The following CAMSAP1 variants were observed in gnomAD, a reference collection of about 807,000 sequenced individuals.
The protein encoded by CAMSAP1 is calmodulin regulated spectrin associated protein 1.
A neutral mutation model predicts 143.5 loss-of-function variants in CAMSAP1; 58 were observed. The ratio of observed to expected loss-of-function variants is 0.40; its 90% CI spans 0.33 to 0.50. CAMSAP1 has a LOEUF of 0.50. CAMSAP1 is among the 20% of genes least tolerant of loss of function. The pLI is 0.45. For synonymous variants in CAMSAP1, 945 were observed against 859.3 expected, an observed-to-expected ratio of 1.10 and a Z score of -1.74; for missense variants, 1,969 against 2,115.7, an observed-to-expected ratio of 0.93 and a Z score of 1.36.
Position 135,822,567 on chromosome 9 carries a change from A to T in CAMSAP1, c.2094T>A (p.Asp698Glu). The change falls in exon 11 of 17, where the codon GAT becomes GAA. Residue 698 changes from aspartate to glutamate, a missense_variant. Transcript: ENST00000389532. This position sits in a 1 kb window ranked among gnomAD's most constrained non-coding sequence, Gnocchi z 6.1. ...FDPFPQGPST[D>E]GFFLHVGRAD... ...CCCTGCCTACATGAAGGAAGAAGCC[A>T]TCCGTGGATGGTCCCTGGGGGAACG... 1 of 1,613,418 alleles carries T rather than the reference A, an allele frequency of 6.2e-7. No homozygotes were observed. Among genetic ancestry groups the T allele is most frequent in the Non-Finnish European group, 8.5e-7 (1 of 1,179,840 alleles).
intron 3 of CAMSAP1, among the ~76,000 whole-genome samples, chr9:135,875,282 T>A (rs1239169590): frequency 6.6e-6 from 1 of 151,706 alleles, no homozygotes; most frequent in Non-Finnish European, 1.5e-5. Context: ...TGATCTCAGC[T>A]CACTGCAACC....
intron 3 of CAMSAP1, among the ~76,000 whole-genome samples, chr9:135,871,554 T>C (rs959331938): frequency 6.6e-6 from 1 of 152,152 alleles, no homozygotes; most frequent in Non-Finnish European, 1.5e-5. Context: ...GAAATCAACT[T>C]ACTGTTATTT....
intron 1 of CAMSAP1, among the ~76,000 whole-genome samples, chr9:135,889,028 G>A (rs1038002029): frequency 6.6e-6 from 1 of 152,214 alleles, no homozygotes; most frequent in Non-Finnish European, 1.5e-5. Context: ...CTCAGAGAGG[G>A]GAGAGGATCC....
rs1291293002 is a variant in CAMSAP1, at chr9:135,841,728, A to T, written c.1045+8409T>A. Among the ~76,000 whole-genome samples the T allele has an allele frequency of 2.0e-5, 3 of 152,252 alleles. No homozygotes were observed. The East Asian group carries it at 5.8e-4, about 29-fold the overall frequency. On this transcript the variant is annotated intron_variant, in intron 7 of 16. Coordinates refer to ENST00000389532, the MANE Select transcript of CAMSAP1 (RefSeq NM_015447.4). The stretch of plus-strand genomic sequence containing the variant: ...CAAACAGGGTTTGGAGTGGACCTCC[A>T]GCAAACTCCAGCAGACCTGCAGCAG...
Position 135,811,435 on chromosome 9 carries a change from G to C in CAMSAP1, c.4683C>G (p.Asp1561Glu). ...MIDKLYKYSSDRKQFNLIPAK... is the reference protein window; with the variant it reads ...MIDKLYKYSSERKQFNLIPAK... ...CTGGGATCAAGTTAAACTGTTTTCG[G>C]TCTGAGCTGTATTTATACAGTTTGT... The change falls in exon 17 of 17, where the codon GAC (aspartate) becomes GAG (glutamate). Residue 1561 changes from aspartate (D) to glutamate (E), a missense_variant. Around this residue, in one of 4 missense-constraint regions of CAMSAP1, gnomAD observed 143 missense variants for 200.6 expected, o/e 0.71. Coordinates refer to ENST00000389532, the MANE Select transcript of CAMSAP1 (RefSeq NM_015447.4). This position sits in a 1 kb window ranked among gnomAD's most constrained non-coding sequence, Gnocchi z 4.9. 6.2e-7 allele frequency: 1 copy of C among 1,612,712 alleles called. No individual in the cohort carries two copies. The highest frequency in any genetic ancestry group is 8.5e-7 in the Non-Finnish European group (1 of 1,179,288).
rs1458518972 is a variant in CAMSAP1 at position 135,824,352 on chromosome 9, T to C, written c.1316-318A>G. Among the ~76,000 whole-genome samples the C allele has an allele frequency of 2.0e-5, 3 of 152,216 alleles. No individual in the cohort carries two copies. Among genetic ancestry groups the C allele is most frequent in the Non-Finnish European group, 2.9e-5 (2 of 68,044 alleles). On this transcript the variant is annotated intron_variant, in intron 9 of 16. Coordinates refer to ENST00000389532, the MANE Select transcript of CAMSAP1 (RefSeq NM_015447.4). This position sits in a 1 kb window ranked among gnomAD's most constrained non-coding sequence, Gnocchi z 4.1. ...TTTTGACAACACAAGTTAAAATTTA[T>C]TTGGCTACAGTCTTAACTAAAATCA...
chr9:135,813,840 G>T (rs972504381), intron 16 of CAMSAP1, among the ~76,000 whole-genome samples: 11 of 152,340 alleles, frequency 7.2e-5, no homozygotes, highest in Middle Eastern at 3.4e-3. Context: ...AGCCCCCAAG[G>T]AGAGCTCAGG....
chr9:135,826,605 T>C lies in CAMSAP1; in HGVS notation c.1223+802A>G, dbSNP rs903828237. On this transcript the variant is annotated intron_variant, in intron 8 of 16. Coordinates refer to ENST00000389532, the MANE Select transcript of CAMSAP1 (RefSeq NM_015447.4). This position sits in a 1 kb window ranked among gnomAD's most constrained non-coding sequence, Gnocchi z 4.4. ...CAACTGAGTTCGTTCTATGCCATGC[T>C]GTCTCACTGAACCATTCACTTATGT... Among the ~76,000 whole-genome samples, 1 of 152,274 alleles carries C rather than the reference T, an allele frequency of 6.6e-6. No individual in the cohort carries two copies. The highest frequency in any genetic ancestry group is 1.5e-5 in the Non-Finnish European group (1 of 68,054).
In CAMSAP1 at chr9:135,824,918, T is replaced by A; in HGVS notation, c.1224-38A>T. On this transcript the variant is annotated intron_variant, in intron 8 of 16. Transcript: ENST00000389532. This position sits in a 1 kb window ranked among gnomAD's most constrained non-coding sequence, Gnocchi z 4.1. Reference sequence around the variant, plus strand: ...AGAATTACAGGGAAAATCATTCCTTTATCAAACTTCAAGGTCAACAGCAAA... The same window carrying A: ...AGAATTACAGGGAAAATCATTCCTTAATCAAACTTCAAGGTCAACAGCAAA... 2 of 1,505,160 alleles carry A rather than the reference T, an allele frequency of 1.3e-6. No homozygotes were observed. The highest frequency in any genetic ancestry group is 2.4e-5 in the South Asian group (2 of 82,464). The allele number at this position is 1,505,160 out of a possible 1,614,324, so 93.2% of individuals were successfully genotyped here. A position where few individuals can be genotyped will look rare whatever the true frequency, so the allele number is the denominator to read the frequency against.
chr9:135,859,099 G>T (rs2130924849), intron 5 of CAMSAP1, among the ~76,000 whole-genome samples: 1 of 152,328 alleles, frequency 6.6e-6, no homozygotes, highest in Non-Finnish European at 1.5e-5. Flanking sequence ...TCACAGGCAG[G>T]AAAAGAAGCT....
At chr9:135,833,133 G>A (rs1472309076) in intron 7 of CAMSAP1, among the ~76,000 whole-genome samples, 1 of 145,598 alleles carries the variant, frequency 6.9e-6, no homozygotes, top group Admixed American at 7.0e-5. Flanking sequence ...CCAGGCTGGA[G>A]TGCAGTGGCG....
chr9:135,896,516 A>G (rs1328279877), intron 1 of CAMSAP1, among the ~76,000 whole-genome samples: 2 of 152,234 alleles, frequency 1.3e-5, no homozygotes, highest in Admixed American at 6.5e-5. Context: ...ACAACCAACT[A>G]GCAGAATACA....
In CAMSAP1 at chr9:135,821,318, G is replaced by A; in HGVS notation, c.3343C>T (p.Gln1115Ter). 6.2e-7 allele frequency: 1 copy of A among 1,613,236 alleles called. No individual in the cohort carries two copies. The highest frequency in any genetic ancestry group is 1.7e-5 in the Admixed American group (1 of 60,038). Residue 1115 changes from glutamine (Q) to a stop codon, truncating the protein, a stop_gained, in exon 11 of 17, where the codon CAG becomes TAG. Coordinates refer to ENST00000389532, the MANE Select transcript of CAMSAP1 (RefSeq NM_015447.4). LOFTEE classifies it high-confidence loss of function. The surrounding 1 kb of genome is among the most constrained non-coding windows in gnomAD (Gnocchi z 4.6). Reference protein sequence around the residue: ...AELKVPKDRPQGSSRSKTPTP... With the variant: ...AELKVPKDRP ...GGGGTTTTACTTCGGGAGGAGCCCT[G>A]TGGCCTGTCTTTTGGGACCTTCAGC...
intron 3 of CAMSAP1, among the ~76,000 whole-genome samples, chr9:135,870,090 C>T (rs1278678280): frequency 6.6e-6 from 1 of 152,144 alleles, no homozygotes; most frequent in Non-Finnish European, 1.5e-5. Flanking sequence ...CTGGAATTAG[C>T]CAGTGATGAT....
At chr9:135,881,421 A>G (rs990896293) in intron 3 of CAMSAP1, among the ~76,000 whole-genome samples, 1 of 152,030 alleles carries the variant, frequency 6.6e-6, no homozygotes, top group Non-Finnish European at 1.5e-5. Context: ...TCAGATATAA[A>G]TTCATCACCC....
At chr9:135,851,357 T>C (rs1394521427) in intron 5 of CAMSAP1, among the ~76,000 whole-genome samples, 5 of 152,230 alleles carry the variant, frequency 3.3e-5, no homozygotes, top group African/African-American at 9.6e-5. Context: ...GAGTCGTTCA[T>C]GAACTGCCCT....
At position 135,818,643 on chromosome 9, in the gene CAMSAP1, G is replaced by A; in HGVS notation, c.3960-27C>T. On this transcript the variant is annotated intron_variant, in intron 12 of 16. Transcript: ENST00000389532. The surrounding 1 kb of genome is among the most constrained non-coding windows in gnomAD (Gnocchi z 7.7). ...TGAGAGAAACACACGCCCAGACACT[G>A]CTCGGTCACGGGGCTTCTTCCACGA... The A allele has an allele frequency of 6.2e-7, 1 of 1,605,214 alleles. No individual in the cohort carries two copies.
At chr9:135,894,342 G>A (rs897265331) in intron 1 of CAMSAP1, among the ~76,000 whole-genome samples, 1 of 152,198 alleles carries the variant, frequency 6.6e-6, no homozygotes, top group African/African-American at 2.4e-5. Flanking sequence ...TCCCCACTGA[G>A]GGAAGCCATC....
chr9:135,815,191 C>T lies in CAMSAP1; in HGVS notation c.4412G>A (p.Ser1471Asn). 1 of 1,613,476 alleles carries T rather than the reference C, an allele frequency of 6.2e-7. No individual in the cohort carries two copies. The highest frequency in any genetic ancestry group is 8.5e-7 in the Non-Finnish European group (1 of 1,179,682). The change falls in exon 16 of 17, where the codon AGT becomes AAT. Residue 1471 changes from serine to asparagine, a missense_variant. Ser to Asn is a conservative substitution (Grantham distance 46, BLOSUM62 1). Transcript: ENST00000389532. ...AATAATCGGCTTGTTTGATTTACTA[C>T]TGGGCTCCTTAAAGAGCTTGGGACC... is the stretch of plus-strand genomic sequence containing the variant. The part of the protein sequence containing the change: ...YTGPKLFKEP[S>N]SKSNKPIIHN...
Sources: gnomAD v4.1 joint callset for allele counts (sites outside exome capture counted in the v4.1 genomes callset) on GRCh38, gnomAD v4.1.1 for gene constraint, gnomAD v4.1.1 regional missense constraint, Gnocchi (gnomAD v3.1) non-coding constraint, MANE v1.5 for transcripts, NCBI Gene and HGNC (gene_info 2026-07-23, HGNC 2026-07-21) for gene names.